Variants in CAMTA1 observed in about 807,000 individuals in gnomAD.
The protein encoded by CAMTA1 is calmodulin-binding transcription activator 1.
CAMTA1 carries 27 observed loss-of-function variants against 170.9 expected under a neutral mutation model. The ratio of observed to expected loss-of-function variants is 0.16; its 90% CI spans 0.12 to 0.22. The LOEUF is 0.22. Ranked by LOEUF, CAMTA1 falls within the 10% of genes least tolerant of loss-of-function variation. The pLI is 1.00. For synonymous variants in CAMTA1, 833 were observed against 891.5 expected, an observed-to-expected ratio of 0.93 and a Z score of 1.17; for missense variants, 1,619 against 2,217.2, an observed-to-expected ratio of 0.73 and a Z score of 5.42.
chr1:6,860,684 C>T (rs528525467), intron 3 of CAMTA1, among the ~76,000 whole-genome samples: 3 of 152,102 alleles, frequency 2.0e-5, no homozygotes, highest in East Asian at 1.9e-4. Flanking sequence ...TCGAGGTGGG[C>T]GGATTACTTG....
At chr1:6,926,612 CT>C (rs1683316975) in intron 3 of CAMTA1, among the ~76,000 whole-genome samples, 2 of 122,954 alleles carry the variant, frequency 1.6e-5, no homozygotes, top group Non-Finnish European at 3.8e-5. Flanking sequence ...CTCTCTCATT[CT>C]TTCTTTCTCC....
Position 7,736,972 on chromosome 1 carries a change from A to T in CAMTA1, c.3305A>T (p.Asp1102Val). 1 of 1,613,528 alleles carries T rather than the reference A, an allele frequency of 6.2e-7. No individual in the cohort carries two copies. Among genetic ancestry groups the T allele is most frequent in the Non-Finnish European group, 8.5e-7 (1 of 1,179,796 alleles). Reference sequence around the variant, plus strand: ...AGCATTGACCTGGAACTGGAAGTTGACCCCTTGAATGTGGACCACTTCTCC... The same window carrying T: ...AGCATTGACCTGGAACTGGAAGTTGTCCCCTTGAATGTGGACCACTTCTCC... Reference protein sequence around the residue: ...ADSIDLELEVDPLNVDHFSCT... With the variant: ...ADSIDLELEVVPLNVDHFSCT... The change falls in exon 14 of 23, where the codon GAC (aspartate) becomes GTC (valine). Residue 1102 changes from aspartate to valine, a missense_variant. Physicochemically the swap from Asp to Val is radical, Grantham distance 152 (BLOSUM62 -3). This residue lies in a region of CAMTA1 where 60 missense variants were observed against 128.5 expected (regional missense o/e 0.47). Transcript: ENST00000303635. The surrounding 1 kb of genome is among the most constrained non-coding windows in gnomAD (Gnocchi z 4.5).
chr1:7,284,177 C>A (rs11576776), intron 5 of CAMTA1, among the ~76,000 whole-genome samples: 12,437 of 98,898 alleles, frequency 0.13, 862 homozygotes, highest in Middle Eastern at 0.17. Flanking sequence ...TCTTCTTCTT[C>A]TTATTATTAT....
intron 3 of CAMTA1, among the ~76,000 whole-genome samples, chr1:6,952,074 A>G (rs1293961527): frequency 6.6e-6 from 1 of 152,150 alleles, no homozygotes; most frequent in Non-Finnish European, 1.5e-5. Flanking sequence ...CCTTCTGTCA[A>G]TGGTGACAGT....
chr1:6,966,484 C>T (rs1405869371), intron 3 of CAMTA1, among the ~76,000 whole-genome samples: 1 of 152,186 alleles, frequency 6.6e-6, no homozygotes, highest in African/African-American at 2.4e-5. Flanking sequence ...AGAATGTTTT[C>T]CAGGTTCATT....
intron 22 of CAMTA1, among the ~76,000 whole-genome samples, chr1:7,763,665 T>C (rs2096993635): frequency 6.6e-6 from 1 of 152,232 alleles, no homozygotes; most frequent in Non-Finnish European, 1.5e-5. Flanking sequence ...ACCAGCTGAT[T>C]ATAGATTCTT....
chr1:7,236,363 C>A (rs1663858081), intron 4 of CAMTA1, among the ~76,000 whole-genome samples: 1 of 152,206 alleles, frequency 6.6e-6, no homozygotes, highest in South Asian at 2.1e-4. Flanking sequence ...AAAGGAAGAA[C>A]TACAATTTAA....
intron 5 of CAMTA1, among the ~76,000 whole-genome samples, chr1:7,452,078 C>T (rs2092838640): frequency 1.3e-5 from 2 of 152,228 alleles, no homozygotes; most frequent in Non-Finnish European, 2.9e-5. Flanking sequence ...GCTAACCCCC[C>T]TCTAAACTGG....
intron 3 of CAMTA1, among the ~76,000 whole-genome samples, chr1:6,948,483 A>G (rs1687922863): frequency 6.6e-6 from 1 of 152,212 alleles, no homozygotes; most frequent in African/African-American, 2.4e-5. Flanking sequence ...TCATCCTCTT[A>G]GCAACCCTGT....
At chr1:7,185,468 G>A (rs1054034840) in intron 4 of CAMTA1, among the ~76,000 whole-genome samples, 6 of 152,076 alleles carry the variant, frequency 3.9e-5, no homozygotes, top group African/African-American at 1.4e-4. Flanking sequence ...ATAATTGAGC[G>A]TCAAAATTAA....
At chr1:7,083,251 A>G (rs1213437117) in intron 3 of CAMTA1, among the ~76,000 whole-genome samples, 1 of 152,220 alleles carries the variant, frequency 6.6e-6, no homozygotes, top group Non-Finnish European at 1.5e-5. Flanking sequence ...CATTTTGTAG[A>G]CAGTCCTCCA....
chr1:7,438,435 C>T (rs1056598210), intron 5 of CAMTA1, among the ~76,000 whole-genome samples: 1 of 152,182 alleles, frequency 6.6e-6, no homozygotes, highest in Non-Finnish European at 1.5e-5. Context: ...GAGCTGGTCT[C>T]GGTCACTCGG....
At chr1:7,646,401 G>A (rs569854093) in intron 7 of CAMTA1, among the ~76,000 whole-genome samples, 103 of 148,378 alleles carry the variant, frequency 6.9e-4, no homozygotes, top group African/African-American at 2.5e-3. Flanking sequence ...GGAGGCCCTG[G>A]TGAGTTGGGT....
intron 11 of CAMTA1, among the ~76,000 whole-genome samples, chr1:7,702,895 T>G (rs1456686639): frequency 6.6e-6 from 1 of 152,088 alleles, no homozygotes; most frequent in Non-Finnish European, 1.5e-5. Context: ...GTAGCTAACT[T>G]TGATTGAATG....
intron 5 of CAMTA1, among the ~76,000 whole-genome samples, chr1:7,379,233 C>T (rs1297548446): frequency 6.6e-6 from 1 of 152,186 alleles, no homozygotes; most frequent in Non-Finnish European, 1.5e-5. Flanking sequence ...TTTCTTTATA[C>T]CCTAGAGCAC....
chr1:7,652,012 C>T (rs757847754), intron 7 of CAMTA1, among the ~76,000 whole-genome samples: 4 of 152,170 alleles, frequency 2.6e-5, no homozygotes, highest in Non-Finnish European at 4.4e-5. Flanking sequence ...ACGAAGCTGC[C>T]CCTCAGCCCC....
Position 7,499,491 on chromosome 1 carries a change from G to C in CAMTA1, c.510+31590G>C, listed in dbSNP as rs1236723824. 5.0e-5 allele frequency among the ~76,000 whole-genome samples: 7 copies of C among 141,164 alleles called. 2 individuals are homozygous for C. The highest frequency in any genetic ancestry group is 5.2e-4 in the South Asian group (2 of 3,880). 92.6% of individuals were successfully genotyped at this position (141,164 alleles called of 152,430 possible). On this transcript the variant is annotated intron_variant, in intron 6 of 22. Coordinates refer to ENST00000303635, the MANE Select transcript of CAMTA1 (RefSeq NM_015215.4). ...ATGTGTGTACATGAGTGTGTAGAGA[G>C]GATTGTGTGAGCCTGGTGTGCATGT...
intron 3 of CAMTA1, among the ~76,000 whole-genome samples, chr1:6,856,331 CTT>C (rs1248254439): frequency 7.6e-5 from 9 of 118,726 alleles, no homozygotes; most frequent in Non-Finnish European, 3.6e-5. Context: ...CCCCCTGCCG[CTT>C]TTTTTTTTTT....
At chr1:6,935,774 C>T (rs895357723) in intron 3 of CAMTA1, among the ~76,000 whole-genome samples, 1 of 152,224 alleles carries the variant, frequency 6.6e-6, no homozygotes, top group Non-Finnish European at 1.5e-5. Context: ...AGTGGATGCT[C>T]ATGTTTCTGC....
Sources: gnomAD v4.1 joint callset for allele counts (sites outside exome capture counted in the v4.1 genomes callset) on GRCh38, gnomAD v4.1.1 for gene constraint, gnomAD v4.1.1 regional missense constraint, Gnocchi (gnomAD v3.1) non-coding constraint, MANE v1.5 for transcripts, NCBI Gene and HGNC (gene_info 2026-07-23, HGNC 2026-07-21) for gene names.